IFIT1B: variants seen among roughly 807,000 people sequenced by gnomAD.
The protein encoded by IFIT1B is protein IFIT1 homolog B.
Under a neutral mutation model 2.5 loss-of-function variants are expected in IFIT1B, and 3 were observed. That is an observed-to-expected ratio of 1.21 (90% confidence interval 0.55 to 3.14). The LOEUF (loss-of-function observed/expected upper bound fraction) is 3.14. Ranked by LOEUF, IFIT1B falls within the 30% of genes most tolerant of loss-of-function variation. IFIT1B has a pLI of 0.03. For synonymous variants in IFIT1B, 196 were observed against 203.0 expected, an observed-to-expected ratio of 0.97 and a Z score of 0.29; for missense variants, 545 against 556.5, an observed-to-expected ratio of 0.98 and a Z score of 0.21.
Position 89,383,849 on chromosome 10 carries a change from C to T in IFIT1B, c.536C>T (p.Thr179Ile). 1 of 1,614,226 alleles carries T rather than the reference C, an allele frequency of 6.2e-7. No homozygotes were observed. Among genetic ancestry groups the T allele is most frequent in the Admixed American group, 1.7e-5 (1 of 60,030 alleles). ...EGNPENPEFN[T>I]GYAITVYRLD... ...AACCCTGAAAACCCTGAATTCAATA[C>T]TGGGTACGCAATCACCGTCTATCGC... The change falls in exon 2 of 2, where the codon ACT becomes ATT. Residue 179 changes from threonine (T) to isoleucine (I), a missense_variant. Transcript: ENST00000371809.
rs2133605251 is a variant in IFIT1B, at chr10:89,384,461, A to G, written c.1148A>G (p.His383Arg). The G allele has an allele frequency of 6.2e-7, 1 of 1,614,232 alleles. No individual in the cohort carries two copies. The highest frequency in any genetic ancestry group is 2.2e-5 in the East Asian group (1 of 44,888). The change falls in exon 2 of 2, where the codon CAC becomes CGC. Residue 383 changes from histidine (H) to arginine (R), a missense_variant. By Grantham distance (29) the His-to-Arg change is conservative. Transcript: ENST00000371809. ...EDQLKQEIHY[H>R]YGRFQEHHGK... ...CAGCTAAAGCAAGAGATTCATTACC[A>G]CTACGGCCGTTTCCAAGAACATCAT...
chr10:89,380,422 T>A (rs1364997466), intron 1 of IFIT1B, among the ~76,000 whole-genome samples: 3 of 150,694 alleles, frequency 2.0e-5, no homozygotes, highest in Non-Finnish European at 4.4e-5. Flanking sequence ...ACTACATACA[T>A]GCACAAACTC....
chr10:89,384,496 C>G lies in IFIT1B; in HGVS notation c.1183C>G (p.Gln395Glu), dbSNP rs1270712562. The G allele has an allele frequency of 6.2e-7, 1 of 1,613,886 alleles. No individual in the cohort carries two copies. Among genetic ancestry groups the G allele is most frequent in the Non-Finnish European group, 8.5e-7 (1 of 1,179,990 alleles). Residue 395 changes from glutamine to glutamate, a missense_variant, in exon 2 of 2, where the codon CAA (glutamine) becomes GAA (glutamate). Physicochemically the swap from Gln to Glu is conservative, Grantham distance 29. Transcript: ENST00000371809. ...TTTCCAAGAACATCATGGGAAATCT[C>G]AAGATAAAGCAATTACCCATTATTT... ...GRFQEHHGKSQDKAITHYLKG... is the reference protein window; with the variant it reads ...GRFQEHHGKSEDKAITHYLKG...
rs748025845 is a variant in IFIT1B at position 89,384,828 on chromosome 10, T to C, written c.*90T>C. On this transcript the variant is annotated 3_prime_UTR_variant, in exon 2 of 2. Transcript: ENST00000371809. ...AATGCAAACTTAAAGCTGTTGGAAA[T>C]TTACCTTATTTTGAGCCTTGAGAGG... 2.5e-5 allele frequency: 30 copies of C among 1,180,106 alleles called. No individual in the cohort carries two copies. The highest frequency in any genetic ancestry group is 1.6e-4 in the Admixed American group (7 of 42,566). 73.1% of individuals were successfully genotyped at this position (1,180,106 alleles called of 1,614,324 possible).
At chr10:89,380,058 A>C (rs1483127788) in intron 1 of IFIT1B, among the ~76,000 whole-genome samples, 2 of 151,730 alleles carry the variant, frequency 1.3e-5, no homozygotes, top group African/African-American at 4.8e-5. Flanking sequence ...AACAAAAGGT[A>C]TTAGTTGTGT....
rs577786208 is a variant in IFIT1B at position 89,381,514 on chromosome 10, A to G, written c.6-1805A>G. Among the ~76,000 whole-genome samples the G allele has an allele frequency of 6.0e-4, 92 of 152,272 alleles. 1 individual carries two copies. The South Asian group carries it at 0.015, about 25-fold the overall frequency. On this transcript the variant is annotated intron_variant, in intron 1 of 1. Coordinates refer to ENST00000371809, the MANE Select transcript of IFIT1B (RefSeq NM_001010987.2). ...GCAGTCAACTATACAGTCCTATCCT[A>G]AAGCAATATGCCAGGACTCTCATAT... is the stretch of plus-strand genomic sequence containing the variant.
chr10:89,384,633 C>A lies in IFIT1B; in HGVS notation c.1320C>A (p.Val440=). The stretch of plus-strand genomic sequence containing the variant: ...AGAATGTACGGGTTGTGGAAAGTGT[C>A]AGCCTCCTTGGGCTTATCCACAAAT... The part of the protein sequence containing the change: ...IHQNVRVVES[V]SLLGLIHKLK... Residue 440 remains valine (V), a synonymous_variant, in exon 2 of 2, where the codon GTC becomes GTA. Transcript: ENST00000371809. 6.2e-7 allele frequency: 1 copy of A among 1,614,184 alleles called. No homozygotes were observed. Among genetic ancestry groups the A allele is most frequent in the Non-Finnish European group, 8.5e-7 (1 of 1,180,022 alleles).
At position 89,380,623 on chromosome 10, in the gene IFIT1B, T is replaced by C. The variant is rs557393167; in HGVS notation, c.5+2483T>C. On this transcript the variant is annotated intron_variant, in intron 1 of 1. Coordinates refer to ENST00000371809, the MANE Select transcript of IFIT1B (RefSeq NM_001010987.2). Reference sequence around the variant, plus strand: ...TAATTTTTGTATTTTTTGAGAGACATGGTTTCGCTATGTTGCCCATGCTGG... The same window carrying C: ...TAATTTTTGTATTTTTTGAGAGACACGGTTTCGCTATGTTGCCCATGCTGG... 2.6e-5 allele frequency among the ~76,000 whole-genome samples: 4 copies of C among 152,150 alleles called. No homozygotes were observed. In the South Asian group the frequency reaches 6.2e-4, roughly 24 times the overall value.
chr10:89,384,879 G>A lies in IFIT1B; in HGVS notation c.*141G>A. The A allele has an allele frequency of 1.4e-6, 1 of 702,752 alleles. No individual in the cohort carries two copies. Among genetic ancestry groups the A allele is most frequent in the Non-Finnish European group, 2.3e-6 (1 of 434,348 alleles). 43.5% of individuals were successfully genotyped at this position (702,752 alleles called of 1,614,324 possible). A position where few individuals can be genotyped will look rare whatever the true frequency, so the allele number is the denominator to read the frequency against. On this transcript the variant is annotated 3_prime_UTR_variant, in exon 2 of 2. Coordinates refer to ENST00000371809, the MANE Select transcript of IFIT1B (RefSeq NM_001010987.2). ...AATGTGGCTGTGTGGCCTGAGTTAT[G>A]TAGCATGCAACTGCAACTTCTGCTT... is the stretch of plus-strand genomic sequence containing the variant.
intron 1 of IFIT1B, among the ~76,000 whole-genome samples, chr10:89,378,595 TTTAA>T (rs1844139449): frequency 6.6e-6 from 1 of 152,170 alleles, no homozygotes; most frequent in African/African-American, 2.4e-5. Context: ...CCTCCTGCAA[TTTAA>T]TATCTGGCTG....
chr10:89,381,152 T>C (rs542163252), intron 1 of IFIT1B, among the ~76,000 whole-genome samples: 3 of 152,312 alleles, frequency 2.0e-5, no homozygotes, highest in African/African-American at 7.2e-5. Context: ...GGTACATATT[T>C]AGAAAGCTTG....
chr10:89,380,647 G>A (rs1844156015), intron 1 of IFIT1B, among the ~76,000 whole-genome samples: 1 of 152,082 alleles, frequency 6.6e-6, no homozygotes, highest in Non-Finnish European at 1.5e-5. Flanking sequence ...TGCCCATGCT[G>A]GTCGTGAACT....
At position 89,383,890 on chromosome 10, in the gene IFIT1B, A is replaced by C; in HGVS notation, c.577A>C (p.Thr193Pro). ...ITVYRLDKFNTASGRNKAFSL... is the reference protein window; with the variant it reads ...ITVYRLDKFNPASGRNKAFSL... ...CGTCTATCGCCTGGATAAATTTAAC[A>C]CAGCATCAGGGAGGAATAAGGCATT... Residue 193 changes from threonine (T) to proline (P), a missense_variant, in exon 2 of 2, where the codon ACA (threonine) becomes CCA (proline). By Grantham distance (38) the Thr-to-Pro change is conservative. Transcript: ENST00000371809. 1 of 1,614,216 alleles carries C rather than the reference A, an allele frequency of 6.2e-7. No homozygotes were observed.
In IFIT1B at chr10:89,384,035, A is replaced by G; in HGVS notation, c.722A>G (p.Glu241Gly). The G allele has an allele frequency of 6.2e-7, 1 of 1,614,236 alleles. No individual in the cohort carries two copies. The highest frequency in any genetic ancestry group is 8.5e-7 in the Non-Finnish European group (1 of 1,180,048). Residue 241 changes from glutamate to glycine, a missense_variant, in exon 2 of 2, where the codon GAA becomes GGA. By Grantham distance (98) the Glu-to-Gly change is moderately conservative. Coordinates refer to ENST00000371809, the MANE Select transcript of IFIT1B (RefSeq NM_001010987.2). ...GAAGCTGAAGGAGAAAAGTACATTG[A>G]AGAAGCTCTGACCAGTATATCTTCA... ...GQEAEGEKYIEEALTSISSQA... is the reference protein window; with the variant it reads ...GQEAEGEKYIGEALTSISSQA...
intron 1 of IFIT1B, 99 bp downstream of exon 1, chr10:89,378,239 G>A (rs1844137010): frequency 8.1e-7 from 1 of 1,227,972 alleles, no homozygotes; most frequent in East Asian, 2.3e-5. Context: ...TCTCCTAAGG[G>A]AGCTGTCCCA....
intron 1 of IFIT1B, among the ~76,000 whole-genome samples, chr10:89,378,823 C>T (rs1844140911): frequency 6.6e-6 from 1 of 152,174 alleles, no homozygotes; most frequent in Non-Finnish European, 1.5e-5. Flanking sequence ...ATAAAAGCAG[C>T]AATGCTCTTA....
chr10:89,384,481 C>T lies in IFIT1B; in HGVS notation c.1168C>T (p.His390Tyr). ...IHYHYGRFQEHHGKSQDKAIT... is the reference protein window; with the variant it reads ...IHYHYGRFQEYHGKSQDKAIT... ...TTACCACTACGGCCGTTTCCAAGAA[C>T]ATCATGGGAAATCTCAAGATAAAGC... Residue 390 changes from histidine to tyrosine, a missense_variant, in exon 2 of 2, where the codon CAT becomes TAT. Physicochemically the swap from His to Tyr is moderately conservative, Grantham distance 83. Coordinates refer to ENST00000371809, the MANE Select transcript of IFIT1B (RefSeq NM_001010987.2). The T allele has an allele frequency of 1.2e-6, 2 of 1,614,124 alleles. No individual in the cohort carries two copies. The highest frequency in any genetic ancestry group is 1.7e-6 in the Non-Finnish European group (2 of 1,180,000).
rs140067482 is a variant in IFIT1B, at chr10:89,384,202, G to C, written c.889G>C (p.Ala297Pro). 8 of 1,614,038 alleles carry C rather than the reference G, an allele frequency of 5.0e-6. No individual in the cohort carries two copies. Among genetic ancestry groups the C allele is most frequent in the Non-Finnish European group, 6.8e-6 (8 of 1,180,016 alleles). The change falls in exon 2 of 2, where the codon GCA becomes CCA. Residue 297 changes from alanine (A) to proline (P), a missense_variant. Transcript: ENST00000371809. The part of the protein sequence containing the change: ...LHHQMGLCYR[A>P]QMIQIKEATN... ...TCACCAAATGGGGCTTTGCTACAGG[G>C]CACAAATGATCCAAATCAAGGAAGC...
intron 1 of IFIT1B, among the ~76,000 whole-genome samples, chr10:89,379,411 G>T (rs908422802): frequency 6.6e-6 from 1 of 152,058 alleles, no homozygotes; most frequent in Admixed American, 6.6e-5. Context: ...CATTATACTA[G>T]ATGTTAGAAA....
Sources: gnomAD v4.1 joint callset for allele counts (sites outside exome capture counted in the v4.1 genomes callset) on GRCh38, gnomAD v4.1.1 for gene constraint, MANE v1.5 for transcripts, NCBI Gene and HGNC (gene_info 2026-07-23, HGNC 2026-07-21) for gene names.